The following RAB11FIP2 variants were observed in gnomAD, a reference collection of about 807,000 sequenced individuals.
RAB11FIP2 encodes RAB11 family interacting protein 2.
In RAB11FIP2, 16 loss-of-function variants were observed where a neutral mutation model predicts 40.9. The ratio of observed to expected loss-of-function variants is 0.39; its 90% confidence interval spans 0.26 to 0.59. The LOEUF is 0.59. Ranked by LOEUF, RAB11FIP2 falls within the 20% of genes least tolerant of loss-of-function variation. The probability of loss-of-function intolerance (pLI) is 0.53; values close to 1 mark genes in which losing one functional copy is unlikely to be tolerated. For missense variants in RAB11FIP2, 532 were observed against 606.2 expected (o/e 0.88, Z 1.28); for synonymous variants, 228 against 213.7 (o/e 1.07, Z -0.58).
intron 3 of RAB11FIP2, among the ~76,000 whole-genome samples, chr10:118,031,620 A>G (rs954086278): frequency 6.6e-6 from 1 of 152,106 alleles, no homozygotes; most frequent in Non-Finnish European, 1.5e-5. Context: ...GCCATGAAAA[A>G]TCACTAAAAC....
intron 3 of RAB11FIP2, among the ~76,000 whole-genome samples, chr10:118,037,117 A>C (rs1461350203): frequency 6.6e-6 from 1 of 152,180 alleles, no homozygotes; most frequent in Non-Finnish European, 1.5e-5. Context: ...AAGTTTAGTA[A>C]AGAGGGAAAG....
intron 1 of RAB11FIP2, chr10:118,045,542 T>C: frequency 2.6e-6 from 1 of 383,398 alleles, no homozygotes; most frequent in Non-Finnish European, 4.7e-6. Context: ...ACTGAAACAA[T>C]GTTAACTTAC....
intron 4 of RAB11FIP2, among the ~76,000 whole-genome samples, chr10:118,010,320 G>A (rs1051372495): frequency 1.3e-5 from 2 of 152,096 alleles, no homozygotes; most frequent in Admixed American, 6.6e-5. Context: ...TGGCTTTAAG[G>A]AAACTTAACT....
At position 118,005,214 on chromosome 10, in the gene RAB11FIP2, A is replaced by G. The variant is rs970017847; in HGVS notation, c.*3784T>C. 2 of 152,638 alleles carry G rather than the reference A, an allele frequency of 1.3e-5. No individual in the cohort carries two copies. Among genetic ancestry groups the G allele is most frequent in the African/African-American group, 4.8e-5 (2 of 41,450 alleles). 9.5% of individuals were successfully genotyped at this position (152,638 alleles called of 1,614,324 possible). ...AAACACAAACCATCTGGAAGCTTCG[A>G]AGACTAACAGGCCCACATGTATCAT... On this transcript the variant is annotated 3_prime_UTR_variant, in exon 5 of 5. Coordinates refer to ENST00000355624, the MANE Select transcript of RAB11FIP2 (RefSeq NM_014904.3).
intron 4 of RAB11FIP2, among the ~76,000 whole-genome samples, chr10:118,010,096 T>A (rs547823649): frequency 5.6e-4 from 85 of 152,270 alleles, no homozygotes; most frequent in African/African-American, 2.0e-3. Flanking sequence ...TAATGTTATA[T>A]CAAAAGTGAA....
In RAB11FIP2 at chr10:118,037,708, T is replaced by C. The variant is rs553733539; in HGVS notation, c.1265+1264A>G. 2.2e-3 allele frequency among the ~76,000 whole-genome samples: 334 copies of C among 152,178 alleles called. 1 individual carries two copies. The highest frequency in any genetic ancestry group is 3.0e-3 in the Non-Finnish European group (206 of 67,968). On this transcript the variant is annotated intron_variant, in intron 3 of 4. Coordinates refer to ENST00000355624, the MANE Select transcript of RAB11FIP2 (RefSeq NM_014904.3). ...TTCTAAGCCAGTATTCCCATTCAGG[T>C]CTGTACACTCTATAATATTGTCTTG...
rs1281682312 is a variant in RAB11FIP2 at position 118,046,910 on chromosome 10, G to T, written c.-747C>A. The T allele has an allele frequency of 6.5e-6, 1 of 153,668 alleles. No homozygotes were observed. Among genetic ancestry groups the T allele is most frequent in the African/African-American group, 2.4e-5 (1 of 41,466 alleles). The allele number at this position is 153,668 out of a possible 1,614,324, so 9.5% of individuals were successfully genotyped here. A position where few individuals can be genotyped will look rare whatever the true frequency, so the allele number is the denominator to read the frequency against. On this transcript the variant is annotated 5_prime_UTR_variant, in exon 1 of 5. Transcript: ENST00000355624. ...CGGGCGGCTGCGGCGGCACTTCCGG[G>T]TTGGCCTTCTCCATGTTGGTCTCGG...
Position 118,046,661 on chromosome 10 carries a change from C to CCGG in RAB11FIP2, c.-501_-499dup, listed in dbSNP as rs1445051045. The CCGG allele has an allele frequency of 6.5e-6, 1 of 153,152 alleles. No individual in the cohort carries two copies. Among genetic ancestry groups the CCGG allele is most frequent in the East Asian group, 1.9e-4 (1 of 5,194 alleles). The allele number at this position is 153,152 out of a possible 1,614,324, so 9.5% of individuals were successfully genotyped here. ...CTCCCGACCCCGGTAATACGAACCG[C>CCGG]CGGCGGCTAACGCGGCCTCGCTCCC... is the stretch of plus-strand genomic sequence containing the variant. On this transcript the variant is annotated 5_prime_UTR_variant, in exon 1 of 5. Transcript: ENST00000355624.
At chr10:118,009,654 T>C (rs569956763) in intron 4 of RAB11FIP2, among the ~76,000 whole-genome samples, 1 of 152,300 alleles carries the variant, frequency 6.6e-6, no homozygotes, top group Admixed American at 6.5e-5. Flanking sequence ...CACTGAACTG[T>C]GATTTAATGT....
Position 118,045,801 on chromosome 10 carries a change from C to T in RAB11FIP2, c.353+10G>A, listed in dbSNP as rs1846621383. The T allele has an allele frequency of 1.9e-6, 3 of 1,557,660 alleles. No individual in the cohort carries two copies. The East Asian group carries it at 6.7e-5, about 35-fold the overall frequency. On this transcript the variant is annotated intron_variant, in intron 1 of 4. Transcript: ENST00000355624. The stretch of plus-strand genomic sequence containing the variant: ...ACTCCCCCAAATTCAAAATAAATTA[C>T]ATAACTTACTCTGTTTTCCTTCTTT...
At chr10:118,031,248 G>GA (rs1001243565) in intron 3 of RAB11FIP2, among the ~76,000 whole-genome samples, 2 of 151,378 alleles carry the variant, frequency 1.3e-5, no homozygotes, top group Admixed American at 1.3e-4. Flanking sequence ...ACTCATTCAG[G>GA]AAAAAAAAGT....
At chr10:118,037,805 T>C (rs1846499861) in intron 3 of RAB11FIP2, among the ~76,000 whole-genome samples, 1 of 152,016 alleles carries the variant, frequency 6.6e-6, no homozygotes, top group Admixed American at 6.6e-5. Context: ...TCTCTCAGTA[T>C]CTGAGAGAGA....
Position 118,046,530 on chromosome 10 carries a change from T to A in RAB11FIP2, c.-367A>T. On this transcript the variant is annotated 5_prime_UTR_variant, in exon 1 of 5. Coordinates refer to ENST00000355624, the MANE Select transcript of RAB11FIP2 (RefSeq NM_014904.3). ...GGGTGAAGGGAGCCCCCGCCCCAAT[T>A]CTGCACCCCTGGCCTCCCGCCTGCC... 1 of 182,398 alleles carries A rather than the reference T, an allele frequency of 5.5e-6. No homozygotes were observed. Among genetic ancestry groups the A allele is most frequent in the Non-Finnish European group, 1.1e-5 (1 of 88,462 alleles). 11.3% of individuals were successfully genotyped at this position (182,398 alleles called of 1,614,324 possible). A position where few individuals can be genotyped will look rare whatever the true frequency, so the allele number is the denominator to read the frequency against.
At chr10:118,039,638 A>C (rs969573015) in intron 2 of RAB11FIP2, 198 bp from the exon 3 acceptor site, 2 of 583,200 alleles carry the variant, frequency 3.4e-6, no homozygotes, top group East Asian at 2.8e-5. Flanking sequence ...AACAACTAGC[A>C]TATTGCTAGA....
intron 3 of RAB11FIP2, among the ~76,000 whole-genome samples, chr10:118,038,627 T>C (rs1032723147): frequency 2.0e-5 from 3 of 152,000 alleles, no homozygotes; most frequent in African/African-American, 7.2e-5. Context: ...CCTAGAAACA[T>C]TATCACCTAA....
In RAB11FIP2 at chr10:118,039,244, T is replaced by C. The variant is rs768617615; in HGVS notation, c.993A>G (p.Thr331=). 1.2e-5 allele frequency: 19 copies of C among 1,613,662 alleles called. No homozygotes were observed. Among genetic ancestry groups the C allele is most frequent in the African/African-American group, 1.3e-5 (1 of 74,920 alleles). ...KKNPFEESSE[T]WDSSMNLFSK... ...AAAATAAATTCATGCTGCTGTCCCA[T>C]GTTTCGCTGCTTTCTTCAAATGGAT... Residue 331 remains threonine, a synonymous_variant, in exon 3 of 5, where the codon ACA becomes ACG. Coordinates refer to ENST00000355624, the MANE Select transcript of RAB11FIP2 (RefSeq NM_014904.3).
chr10:118,037,812 G>C lies in RAB11FIP2; in HGVS notation c.1265+1160C>G, dbSNP rs188056504. 9.9e-5 allele frequency among the ~76,000 whole-genome samples: 15 copies of C among 152,100 alleles called. No individual in the cohort carries two copies. The East Asian group carries it at 2.7e-3, about 28-fold the overall frequency. On this transcript the variant is annotated intron_variant, in intron 3 of 4. Coordinates refer to ENST00000355624, the MANE Select transcript of RAB11FIP2 (RefSeq NM_014904.3). ...TACAGTCATCTCTCAGTATCTGAGAGAGATTGGTTCCAGGACTCCAAGGAT... is the reference window on the plus strand; with the variant it reads ...TACAGTCATCTCTCAGTATCTGAGACAGATTGGTTCCAGGACTCCAAGGAT...
At chr10:118,020,665 G>A (rs1029157710) in intron 3 of RAB11FIP2, among the ~76,000 whole-genome samples, 5 of 152,196 alleles carry the variant, frequency 3.3e-5, no homozygotes, top group Non-Finnish European at 7.3e-5. Context: ...AGCCACAGCT[G>A]CAGCTAAGCA....
chr10:118,043,638 G>C (rs918502818), intron 1 of RAB11FIP2: 4 of 152,142 alleles, frequency 2.6e-5, no homozygotes, highest in Non-Finnish European at 5.9e-5. Context: ...TGGAAGACAA[G>C]CTGTAAATAT....
Sources: allele counts gnomAD v4.1 joint callset (sites outside exome capture counted in the v4.1 genomes callset), GRCh38; gene constraint gnomAD v4.1.1; transcripts MANE v1.5; gene names NCBI Gene and HGNC (gene_info 2026-07-23, HGNC 2026-07-21).